The following NOD1 variants were observed in gnomAD, a reference collection of about 807,000 sequenced individuals.
NOD1 encodes the protein nucleotide binding oligomerization domain containing 1.
In NOD1, 70 loss-of-function variants were observed where a neutral mutation model predicts 81.2. That is an observed-to-expected ratio of 0.86 (90% CI 0.71 to 1.05). NOD1 has a LOEUF of 1.05. NOD1 is among the 50% of genes least tolerant of loss of function. The pLI is 0.00. For missense variants in NOD1, 1,233 were observed against 1,228.0 expected (o/e 1.00, Z -0.06); for synonymous variants, 508 against 526.9 (o/e 0.96, Z 0.49).
intron 11 of NOD1, among the ~76,000 whole-genome samples, chr7:30,435,371 G>A (rs1784293950): frequency 6.6e-6 from 1 of 152,148 alleles, no homozygotes; most frequent in South Asian, 2.1e-4. Flanking sequence ...GTGTGTGGAA[G>A]TTGGCCTCTG....
At chr7:30,462,670 T>C (rs895510593) in intron 1 of NOD1, among the ~76,000 whole-genome samples, 11 of 152,114 alleles carry the variant, frequency 7.2e-5, no homozygotes, top group African/African-American at 2.7e-4. Context: ...TACTTAGGGC[T>C]GGGTGCAGTG....
At chr7:30,470,499 G>A (rs774682916) in intron 1 of NOD1, among the ~76,000 whole-genome samples, 1 of 152,264 alleles carries the variant, frequency 6.6e-6, no homozygotes, top group South Asian at 2.1e-4. Context: ...CCACTGATAC[G>A]TGGATTTCCA....
chr7:30,455,533 G>A (rs1786258585), intron 4 of NOD1, among the ~76,000 whole-genome samples: 1 of 151,362 alleles, frequency 6.6e-6, no homozygotes, highest in Non-Finnish European at 1.5e-5. Context: ...AAACCAGGAG[G>A]CTTCCATGAG....
chr7:30,460,709 G>A, intron 1 of NOD1: 2 of 983,640 alleles, frequency 2.0e-6, no homozygotes, highest in Non-Finnish European at 2.4e-6. Context: ...AGAGCCTGTG[G>A]GCAGTGAGGG....
At chr7:30,433,381 T>C (rs5743364) in intron 11 of NOD1, 15,816 of 561,702 alleles carry the variant, frequency 0.028, 310 homozygotes, top group Middle Eastern at 0.074. Context: ...ATGCAAATCC[T>C]GTACCTGGGC....
In NOD1 at chr7:30,467,444, C is replaced by A. The variant is rs1352557534; in HGVS notation, c.-351-7403G>T. On this transcript the variant is annotated intron_variant, in intron 1 of 13. Transcript: ENST00000222823. The surrounding 1 kb of genome is among the most constrained non-coding windows in gnomAD (Gnocchi z 4.5). Reference sequence around the variant, plus strand: ...CAGGACATCTTGAGGCAGGCCAGCACAACATTCTCAGCGACTGCCTTGTTT... The same window carrying A: ...CAGGACATCTTGAGGCAGGCCAGCAAAACATTCTCAGCGACTGCCTTGTTT... Among the ~76,000 whole-genome samples the A allele has an allele frequency of 2.0e-5, 3 of 152,120 alleles. No individual in the cohort carries two copies. Among genetic ancestry groups the A allele is most frequent in the African/African-American group, 4.8e-5 (2 of 41,422 alleles).
intron 11 of NOD1, among the ~76,000 whole-genome samples, chr7:30,435,759 G>C (rs992986625): frequency 6.6e-6 from 1 of 152,068 alleles, no homozygotes; most frequent in Non-Finnish European, 1.5e-5. Context: ...AGGAGTTCAA[G>C]ACCAGCCTGG....
In NOD1 at chr7:30,451,568, G is replaced by T; in HGVS notation, c.1849C>A (p.Arg617Ser). Residue 617 changes from arginine (R) to serine (S), a missense_variant, in exon 6 of 14, where the codon CGC becomes AGC. Transcript: ENST00000222823. This position sits in a 1 kb window ranked among gnomAD's most constrained non-coding sequence, Gnocchi z 4.2. The stretch of plus-strand genomic sequence containing the variant: ...AACAGGTGTGCCCACAGGGCCTTGC[G>T]CTTTCTCCTCAGGGCTGCCGCGGGC... ...LVPAAALRRK[R>S]KALWAHLFSS... 1 of 1,613,508 alleles carries T rather than the reference G, an allele frequency of 6.2e-7. No homozygotes were observed. Among genetic ancestry groups the T allele is most frequent in the East Asian group, 2.2e-5 (1 of 44,880 alleles).
At chr7:30,446,092 C>T (rs771238463) in intron 9 of NOD1, 49 bp downstream of exon 9, 5 of 1,389,824 alleles carry the variant, frequency 3.6e-6, no homozygotes, top group Non-Finnish European at 5.1e-6. Flanking sequence ...GGCCCGCCCC[C>T]CACACACACA....
At chr7:30,460,377 G>A in intron 1 of NOD1, 1 of 985,380 alleles carries the variant, frequency 1.0e-6, no homozygotes, top group Non-Finnish European at 1.2e-6. Flanking sequence ...TCCAGTTGAT[G>A]AAGACGGTCT....
chr7:30,475,702 A>C (rs957023275), intron 1 of NOD1: 3 of 152,246 alleles, frequency 2.0e-5, no homozygotes, highest in African/African-American at 7.2e-5. Flanking sequence ...AACTCTGCAC[A>C]GGAATCTCTG....
intron 12 of NOD1, among the ~76,000 whole-genome samples, chr7:30,431,193 C>T (rs1783921677): frequency 6.6e-6 from 1 of 152,194 alleles, no homozygotes; most frequent in African/African-American, 2.4e-5. Context: ...GCTCTGCTCT[C>T]CCTGGAGAGG....
chr7:30,464,322 G>A (rs4363092), intron 1 of NOD1, among the ~76,000 whole-genome samples: 23,502 of 152,204 alleles, frequency 0.15, 2,075 homozygotes, highest in Admixed American at 0.23. Flanking sequence ...AGCGTGACCC[G>A]TGGGATAGCT....
chr7:30,464,616 G>A (rs1376173222), intron 1 of NOD1, among the ~76,000 whole-genome samples: 1 of 152,242 alleles, frequency 6.6e-6, no homozygotes, highest in Non-Finnish European at 1.5e-5. Context: ...TCTGACTCAT[G>A]AGCAAATTAG....
chr7:30,445,697 T>C (rs566370174), intron 9 of NOD1, among the ~76,000 whole-genome samples: 1 of 139,924 alleles, frequency 7.1e-6, no homozygotes, highest in Admixed American at 7.9e-5. Context: ...AGGCAGAGGT[T>C]GCAGTGAGCC....
intron 9 of NOD1, among the ~76,000 whole-genome samples, chr7:30,438,831 A>G (rs554933330): frequency 6.6e-6 from 1 of 152,328 alleles, no homozygotes; most frequent in East Asian, 1.9e-4. Context: ...ATATTTTTTA[A>G]AAGTTGTACA....
chr7:30,470,279 T>G (rs1368156011), intron 1 of NOD1, among the ~76,000 whole-genome samples: 2 of 152,246 alleles, frequency 1.3e-5, no homozygotes, highest in African/African-American at 4.8e-5. Flanking sequence ...AGAACAGCAC[T>G]GGTCACATAG....
At chr7:30,431,153 AGC>A (rs1783917113) in intron 12 of NOD1, among the ~76,000 whole-genome samples, 1 of 152,236 alleles carries the variant, frequency 6.6e-6, no homozygotes, top group South Asian at 2.1e-4. Flanking sequence ...TGCACAAAGC[AGC>A]CAAGACTCTC....
Position 30,452,579 on chromosome 7 carries a change from G to C in NOD1, c.838C>G (p.Leu280Val). 1 of 1,613,476 alleles carries C rather than the reference G, an allele frequency of 6.2e-7. No individual in the cohort carries two copies. The highest frequency in any genetic ancestry group is 1.6e-4 in the Middle Eastern group (1 of 6,062). ...TCGTCCAGGCCATCGAAGGTGAAGA[G>C]GGCCACGTGGGGGAAGCGCAGCAGG... ...AFLLRFPHVA[L>V]FTFDGLDELH... Residue 280 changes from leucine (L) to valine (V), a missense_variant, in exon 6 of 14, where the codon CTC (leucine) becomes GTC (valine). Physicochemically the swap from Leu to Val is conservative, Grantham distance 32. Coordinates refer to ENST00000222823, the MANE Select transcript of NOD1 (RefSeq NM_006092.4).
Sources: gnomAD v4.1 joint callset for allele counts (sites outside exome capture counted in the v4.1 genomes callset) on GRCh38, gnomAD v4.1.1 for gene constraint, Gnocchi (gnomAD v3.1) non-coding constraint, MANE v1.5 for transcripts, NCBI Gene and HGNC (gene_info 2026-07-23, HGNC 2026-07-21) for gene names.